CASP8: variants seen among roughly 807,000 people sequenced by gnomAD.
The protein encoded by CASP8 is caspase 8.
A neutral mutation model predicts 46.3 loss-of-function variants in CASP8; 24 were observed. That is an observed-to-expected ratio of 0.52 (90% CI 0.38 to 0.73). CASP8 has a LOEUF of 0.73. Among genes scored for constraint, CASP8 ranks in the 30% least tolerant of loss-of-function variants. The probability of loss-of-function intolerance (pLI) is 0.00; values close to 1 mark genes in which losing one functional copy is unlikely to be tolerated. For synonymous variants in CASP8, 188 were observed against 200.4 expected, an observed-to-expected ratio of 0.94 and a Z score of 0.52; for missense variants, 460 against 559.0, an observed-to-expected ratio of 0.82 and a Z score of 1.79.
At chr2:201,247,179 ACTGT>A (rs1321564055) in intron 2 of CASP8, among the ~76,000 whole-genome samples, 1 of 124,826 alleles carries the variant, frequency 8.0e-6, no homozygotes, top group African/African-American at 3.3e-5. Context: ...GCAGAGTGAG[ACTGT>A]CTGTCTCAAA....
chr2:201,271,111 G>A (rs1383320672), intron 2 of CASP8, among the ~76,000 whole-genome samples: 2 of 152,276 alleles, frequency 1.3e-5, no homozygotes, highest in African/African-American at 4.8e-5. Flanking sequence ...CCGTCTTACT[G>A]AAGATAATGA....
chr2:201,244,333 G>C (rs1276615156), intron 2 of CASP8, among the ~76,000 whole-genome samples: 1 of 152,218 alleles, frequency 6.6e-6, no homozygotes, highest in Non-Finnish European at 1.5e-5. Context: ...AACTGCCTGG[G>C]ACAGGCATAT....
intron 7 of CASP8, among the ~76,000 whole-genome samples, chr2:201,278,540 CTT>C (rs768024144): frequency 1.5e-4 from 21 of 143,078 alleles, no homozygotes; most frequent in Non-Finnish European, 1.5e-4. Context: ...TGTATTTTTT[CTT>C]TTTTTTTTTT....
chr2:201,270,812 G>T (rs538826313), intron 2 of CASP8, among the ~76,000 whole-genome samples: 1 of 152,322 alleles, frequency 6.6e-6, no homozygotes, highest in African/African-American at 2.4e-5. Flanking sequence ...TGGAATTAGA[G>T]GCATGAACCA....
At chr2:201,246,973 G>A (rs937548273) in intron 2 of CASP8, among the ~76,000 whole-genome samples, 2 of 151,986 alleles carry the variant, frequency 1.3e-5, no homozygotes, top group African/African-American at 2.4e-5. Context: ...GAGGTGGGTG[G>A]ATCACGAGAT....
intron 1 of CASP8, chr2:201,233,882 C>T (rs1945928242): frequency 6.6e-6 from 1 of 152,274 alleles, no homozygotes; most frequent in Non-Finnish European, 1.5e-5. Context: ...AGAAGTCTGA[C>T]CCTGCTGGCT....
intron 1 of CASP8, chr2:201,261,920 G>A (rs1947446466): frequency 6.6e-6 from 1 of 152,134 alleles, no homozygotes; most frequent in African/African-American, 2.4e-5. Context: ...GTAATACAGT[G>A]GTAGAATGGG....
chr2:201,246,598 A>T (rs931554407), intron 2 of CASP8, among the ~76,000 whole-genome samples: 2 of 152,096 alleles, frequency 1.3e-5, no homozygotes, highest in African/African-American at 4.8e-5. Flanking sequence ...TTGGACTAAG[A>T]CCTGAATCGA....
rs751664523 is a variant in CASP8 at position 201,285,255 on chromosome 2, C to T, written c.1242C>T (p.Asn414=). The change falls in exon 8 of 9, where the codon AAC becomes AAT. Residue 414 remains asparagine, a synonymous_variant. Coordinates refer to ENST00000673742, the MANE Select transcript of CASP8 (RefSeq NM_001372051.1). ...TGAATAACTGTGTTTCCTACCGAAA[C>T]CCTGCAGAGGGAACCTGGTACATCC... ...ATVNNCVSYR[N]PAEGTWYIQS... is the part of the protein sequence containing the mutation. The T allele has an allele frequency of 6.2e-7, 1 of 1,614,144 alleles. No homozygotes were observed. Among genetic ancestry groups the T allele is most frequent in the Admixed American group, 1.7e-5 (1 of 60,022 alleles).
At chr2:201,261,110 AG>A (rs1293551530) in intron 1 of CASP8, among the ~76,000 whole-genome samples, 4 of 152,220 alleles carry the variant, frequency 2.6e-5, no homozygotes, top group Non-Finnish European at 4.4e-5. Flanking sequence ...AAATTAAAAA[AG>A]ACTGGGCGTG....
In CASP8 at chr2:201,287,230, A is replaced by G. The variant is rs2125517885; in HGVS notation, c.*636A>G. The G allele has an allele frequency of 6.5e-6, 1 of 153,718 alleles. No homozygotes were observed. Among genetic ancestry groups the G allele is most frequent in the South Asian group, 2.1e-4 (1 of 4,876 alleles). 9.5% of individuals were successfully genotyped at this position (153,718 alleles called of 1,614,324 possible). ...TTTCAAAGCTAAATTCCACACTACC[A>G]CATTAAAAAAATTAGAAAGTAGCCA... On this transcript the variant is annotated 3_prime_UTR_variant, in exon 9 of 9. Coordinates refer to ENST00000673742, the MANE Select transcript of CASP8 (RefSeq NM_001372051.1).
intron 2 of CASP8, among the ~76,000 whole-genome samples, chr2:201,254,320 A>T (rs1026247260): frequency 2.0e-5 from 3 of 152,166 alleles, no homozygotes; most frequent in African/African-American, 7.2e-5. Context: ...CAAAAGAAAA[A>T]CTTAAAATCC....
chr2:201,273,070 T>TC (rs11414378), intron 5 of CASP8, 128 bp downstream of exon 5: 24,831 of 831,506 alleles, frequency 0.03, 1,444 homozygotes, highest in South Asian at 0.13. Flanking sequence ...TTTTTTTTTT[T>TC]TTTTTGTGAG....
At chr2:201,261,896 TTTAA>T (rs2125092913) in intron 1 of CASP8, 1 of 152,238 alleles carries the variant, frequency 6.6e-6, no homozygotes, top group African/African-American at 2.4e-5. Context: ...GTATTTACAG[TTTAA>T]TTGTGACATG....
At chr2:201,239,373 C>A (rs536118012) in intron 2 of CASP8, among the ~76,000 whole-genome samples, 1 of 152,158 alleles carries the variant, frequency 6.6e-6, no homozygotes, top group Admixed American at 6.5e-5. Context: ...ATCTCCCAGA[C>A]GGGGCGGCTG....
Position 201,286,660 on chromosome 2 carries a change from G to A in CASP8, c.*66G>A, listed in dbSNP as rs990772742. 4 of 1,413,976 alleles carry A rather than the reference G, an allele frequency of 2.8e-6. No homozygotes were observed. The African/African-American group carries it at 5.7e-5, about 20-fold the overall frequency. The allele number at this position is 1,413,976 out of a possible 1,614,324, so 87.6% of individuals were successfully genotyped here. ...AGACAGAATCTCGCTCTGTCGCCCAGGCTGGAGTGCAGTGGCGTGATCTCG... is the reference window on the plus strand; with the variant it reads ...AGACAGAATCTCGCTCTGTCGCCCAAGCTGGAGTGCAGTGGCGTGATCTCG... On this transcript the variant is annotated 3_prime_UTR_variant, in exon 9 of 9. Transcript: ENST00000673742.
At chr2:201,285,426 T>C in intron 8 of CASP8, 109 bp downstream of exon 8, 3 of 1,302,656 alleles carry the variant, frequency 2.3e-6, no homozygotes, top group Non-Finnish European at 3.3e-6. Flanking sequence ...GCTATGTGAT[T>C]TAGATCACAT....
chr2:201,271,772 A>C, intron 3 of CASP8, 151 bp downstream of exon 3: 1 of 694,166 alleles, frequency 1.4e-6, no homozygotes, highest in Non-Finnish European at 2.6e-6. Context: ...AGTGTTACAG[A>C]TGTGATTCCT....
chr2:201,281,238 T>C (rs1340635604), intron 7 of CASP8, among the ~76,000 whole-genome samples: 1 of 151,974 alleles, frequency 6.6e-6, no homozygotes, highest in Admixed American at 6.6e-5. Flanking sequence ...TGCTTGAACT[T>C]GGGGGGCAGA....
Sources: allele counts gnomAD v4.1 joint callset (sites outside exome capture counted in the v4.1 genomes callset), GRCh38; gene constraint gnomAD v4.1.1; transcripts MANE v1.5; gene names NCBI Gene and HGNC (gene_info 2026-07-23, HGNC 2026-07-21).